Variants in DDC observed in about 807,000 individuals in gnomAD.
The protein encoded by DDC is dopa decarboxylase, also known as aromatic-L-amino-acid decarboxylase.
A neutral mutation model predicts 60.0 loss-of-function variants in DDC; 43 were observed. That is an observed-to-expected ratio of 0.72 (90% confidence interval 0.56 to 0.92). The LOEUF (loss-of-function observed/expected upper bound fraction) is 0.92. Among genes scored for constraint, DDC ranks in the 40% least tolerant of loss-of-function variants. DDC has a pLI of 0.00. For missense variants in DDC, 573 were observed against 620.2 expected, an observed-to-expected ratio of 0.92 and a Z score of 0.81; for synonymous variants, 232 against 234.6, an observed-to-expected ratio of 0.99 and a Z score of 0.10.
At chr7:50,493,075 G>T in intron 9 of DDC, 2 of 1,311,788 alleles carry the variant, frequency 1.5e-6, no homozygotes, top group Non-Finnish European at 2.1e-6. Context: ...CAAGATTAGG[G>T]ACCCAAAATA....
chr7:50,510,179 G>A (rs555363087), intron 6 of DDC, among the ~76,000 whole-genome samples: 10 of 152,004 alleles, frequency 6.6e-5, no homozygotes, highest in Non-Finnish European at 1.0e-4. Context: ...GTTTCACCGT[G>A]TTAGCCAGGA....
chr7:50,513,891 C>G (rs1270523377), intron 6 of DDC, among the ~76,000 whole-genome samples: 2 of 152,066 alleles, frequency 1.3e-5, no homozygotes, highest in African/African-American at 4.8e-5. Flanking sequence ...CCTACCCACC[C>G]TAGTAGCGAA....
rs376387303 is a variant in DDC at position 50,459,103 on chromosome 7, C to T, written c.*19-260G>A. Reference sequence around the variant, plus strand: ...TGCCGAGTGCCTGCGATTGCAGGCGCGCACCACCACGCCTGACTGGTTTTC... The same window carrying T: ...TGCCGAGTGCCTGCGATTGCAGGCGTGCACCACCACGCCTGACTGGTTTTC... On this transcript the variant is annotated intron_variant, in intron 14 of 14. Transcript: ENST00000444124. Among the ~76,000 whole-genome samples, 71 of 152,330 alleles carry T rather than the reference C, an allele frequency of 4.7e-4. No homozygotes were observed. The East Asian group carries it at 0.01, about 22-fold the overall frequency.
At chr7:50,538,215 T>A (rs1320556281) in intron 3 of DDC, among the ~76,000 whole-genome samples, 1 of 152,100 alleles carries the variant, frequency 6.6e-6, no homozygotes, top group Non-Finnish European at 1.5e-5. Context: ...CTGCATGGGC[T>A]CTGCGGGCTT....
In DDC at chr7:50,543,941, C is replaced by T; in HGVS notation, c.145G>A (p.Glu49Lys). The change falls in exon 2 of 15, where the codon GAG becomes AAG. Residue 49 changes from glutamate (E) to lysine (K), a missense_variant. Transcript: ENST00000444124. Reference protein sequence around the residue: ...RPLIPAAAPQEPDTFEDIIND... With the variant: ...RPLIPAAAPQKPDTFEDIIND... ...ATGATGTCCTCAAACGTGTCTGGCT[C>T]CTGAGGGGCAGCGGCAGGGATCAGC... is the stretch of plus-strand genomic sequence containing the variant. 1 of 1,614,136 alleles carries T rather than the reference C, an allele frequency of 6.2e-7. No individual in the cohort carries two copies. The highest frequency in any genetic ancestry group is 1.3e-5 in the African/African-American group (1 of 75,016).
chr7:50,544,352 C>A lies in DDC; in HGVS notation c.-28-239G>T, dbSNP rs1585270246. Among the ~76,000 whole-genome samples, 1 of 152,220 alleles carries A rather than the reference C, an allele frequency of 6.6e-6. No individual in the cohort carries two copies. Among genetic ancestry groups the A allele is most frequent in the African/African-American group, 2.4e-5 (1 of 41,450 alleles). ...ACCAGCTATTCAACTGGGAACAACA[C>A]AACGTCGCTTTATTTCAATAGACTA... On this transcript the variant is annotated intron_variant, in intron 1 of 14. Transcript: ENST00000444124.
intron 6 of DDC, among the ~76,000 whole-genome samples, chr7:50,508,175 T>C (rs2043451759): frequency 6.6e-6 from 1 of 152,226 alleles, no homozygotes; most frequent in Non-Finnish European, 1.5e-5. Context: ...AAGTGGCTTG[T>C]CTACGTGGGG....
Position 50,472,111 on chromosome 7 carries a change from A to G in DDC, c.1042-1940T>C, listed in dbSNP as rs1045098454. ...ATTCGATGCACTGTCCCCTCCCCCA[A>G]TATGCTCCTGGGTGCCTGCAGTAGA... On this transcript the variant is annotated intron_variant, in intron 11 of 14. Transcript: ENST00000444124. Among the ~76,000 whole-genome samples, 12 of 152,160 alleles carry G rather than the reference A, an allele frequency of 7.9e-5. No individual in the cohort carries two copies. The South Asian group carries it at 1.7e-3, about 21-fold the overall frequency.
chr7:50,464,945 A>G (rs2042362297), intron 13 of DDC, among the ~76,000 whole-genome samples: 1 of 152,254 alleles, frequency 6.6e-6, no homozygotes, highest in South Asian at 2.1e-4. Context: ...CTTCCTCCAG[A>G]AACTGGATTT....
intron 6 of DDC, among the ~76,000 whole-genome samples, chr7:50,507,146 C>A (rs1300857950): frequency 2.6e-5 from 4 of 152,154 alleles, no homozygotes; most frequent in African/African-American, 9.7e-5. Context: ...TTTCTCAACT[C>A]CCAGAGTCAT....
intron 1 of DDC, among the ~76,000 whole-genome samples, chr7:50,553,051 T>A (rs1252139458): frequency 6.6e-6 from 1 of 152,198 alleles, no homozygotes; most frequent in Non-Finnish European, 1.5e-5. Context: ...CCACAGCCAC[T>A]GAAGAGAATG....
At position 50,561,659 on chromosome 7, in the gene DDC, T is replaced by C. The variant is rs2045345679; in HGVS notation, c.-29+3626A>G. ...GGGGCAGCAACAGGGAGGATCATCT[T>C]CCCCACCTCCACCCCCTCCCCCCAC... On this transcript the variant is annotated intron_variant, in intron 1 of 14. Transcript: ENST00000444124. 2.7e-5 allele frequency among the ~76,000 whole-genome samples: 4 copies of C among 149,704 alleles called. 1 individual carries two copies. In the South Asian group the frequency reaches 8.6e-4, roughly 32 times the overall value.
chr7:50,557,320 A>G (rs1194217644), intron 1 of DDC, among the ~76,000 whole-genome samples: 4 of 152,198 alleles, frequency 2.6e-5, no homozygotes, highest in African/African-American at 9.7e-5. Flanking sequence ...TTTTCCTCCC[A>G]TGGAAAGATG....
chr7:50,489,760 T>C lies in DDC; in HGVS notation c.944+5590A>G, dbSNP rs1339799920. On this transcript the variant is annotated intron_variant, in intron 9 of 14. Transcript: ENST00000444124. ...AGTTTCTCTATAAATTAAACACTAATATCAAAGGTACACTGATGCAAGACC... is the reference window on the plus strand; with the variant it reads ...AGTTTCTCTATAAATTAAACACTAACATCAAAGGTACACTGATGCAAGACC... Among the ~76,000 whole-genome samples the C allele has an allele frequency of 2.0e-5, 3 of 152,212 alleles. No individual in the cohort carries two copies. In the South Asian group the frequency reaches 6.2e-4, roughly 32 times the overall value.
intron 1 of DDC, among the ~76,000 whole-genome samples, chr7:50,549,653 T>C (rs1471843751): frequency 2.2e-5 from 3 of 135,196 alleles, no homozygotes; most frequent in Admixed American, 1.5e-4. Context: ...CAAGACTCTG[T>C]CTCAAAAAAA....
chr7:50,499,450 G>A (rs2043200762), intron 7 of DDC, among the ~76,000 whole-genome samples: 1 of 152,136 alleles, frequency 6.6e-6, no homozygotes, highest in Non-Finnish European at 1.5e-5. Context: ...ACACACCAGG[G>A]AAAATGGAAG....
chr7:50,465,873 C>T (rs11981575), intron 13 of DDC, among the ~76,000 whole-genome samples: 7,939 of 152,312 alleles, frequency 0.052, 475 homozygotes, highest in African/African-American at 0.15. Flanking sequence ...GACTGAGGCT[C>T]CTCCCACAAA....
At chr7:50,511,171 T>C (rs1426640902) in intron 6 of DDC, among the ~76,000 whole-genome samples, 1 of 151,318 alleles carries the variant, frequency 6.6e-6, no homozygotes, top group East Asian at 1.9e-4. Flanking sequence ...TATATGTACA[T>C]ATATGTGAAT....
chr7:50,467,881 C>T (rs1444784862), intron 12 of DDC, among the ~76,000 whole-genome samples: 1 of 152,262 alleles, frequency 6.6e-6, no homozygotes, highest in African/African-American at 2.4e-5. Flanking sequence ...TGTTGCTCCT[C>T]CTCCGCGTTT....
Sources: gnomAD v4.1 joint callset for allele counts (sites outside exome capture counted in the v4.1 genomes callset) on GRCh38, gnomAD v4.1.1 for gene constraint, MANE v1.5 for transcripts, NCBI Gene and HGNC (gene_info 2026-07-23, HGNC 2026-07-21) for gene names.